The following ADCY10 variants were observed in gnomAD, a reference collection of about 807,000 sequenced individuals.
ADCY10 encodes adenylate cyclase type 10.
ADCY10 carries 156 observed loss-of-function variants against 183.3 expected under a neutral mutation model. The observed-to-expected ratio is 0.85, with a 90% CI of 0.75 to 0.97. The LOEUF (loss-of-function observed/expected upper bound fraction) is 0.97. Ranked by LOEUF, ADCY10 falls within the 50% of genes least tolerant of loss-of-function variation. The pLI, the probability that ADCY10 is intolerant of heterozygous loss-of-function variation, is 0.00. For missense variants in ADCY10, 1,745 were observed against 1,934.3 expected, an observed-to-expected ratio of 0.90 and a Z score of 1.84; for synonymous variants, 645 against 670.0, an observed-to-expected ratio of 0.96 and a Z score of 0.58.
At chr1:167,823,727 T>C (rs1036016206) in intron 28 of ADCY10, among the ~76,000 whole-genome samples, 1 of 152,196 alleles carries the variant, frequency 6.6e-6, no homozygotes, top group Admixed American at 6.5e-5. Flanking sequence ...CTTAAACAGA[T>C]TTCAAACACA....
At chr1:167,832,959 G>A (rs749190142) in intron 25 of ADCY10, 28 bp downstream of exon 25, 2 of 1,610,018 alleles carry the variant, frequency 1.2e-6, no homozygotes, top group Non-Finnish European at 8.5e-7. Context: ...AGACTAAACA[G>A]TCTGCTCTCC....
chr1:167,842,591 C>CA (rs11306764), intron 21 of ADCY10, among the ~76,000 whole-genome samples: 31,320 of 146,190 alleles, frequency 0.21, 3,822 homozygotes, highest in East Asian at 0.32. Context: ...GAAGACACTG[C>CA]AAAAAAAAAA....
chr1:167,834,368 G>A (rs945581253), intron 23 of ADCY10: 27 of 488,506 alleles, frequency 5.5e-5, no homozygotes, highest in Middle Eastern at 3.0e-4. Flanking sequence ...TGCCTTACCC[G>A]AAGTTTCCCT....
chr1:167,872,071 G>A (rs1351243604), intron 13 of ADCY10, among the ~76,000 whole-genome samples: 1 of 152,126 alleles, frequency 6.6e-6, no homozygotes, highest in African/African-American at 2.4e-5. Flanking sequence ...GCTGGGAGCG[G>A]TGGCTCACGC....
At chr1:167,821,913 A>G in intron 30 of ADCY10, 111 bp downstream of exon 30, 1 of 784,432 alleles carries the variant, frequency 1.3e-6, no homozygotes, top group Non-Finnish European at 2.3e-6. Context: ...GACACCCTTA[A>G]GCTGTCTCAG....
rs1413584619 is a variant in ADCY10, at chr1:167,834,047, A to G, written c.3340T>C (p.Leu1114=). 1.2e-6 allele frequency: 2 copies of G among 1,614,154 alleles called. No individual in the cohort carries two copies. Among genetic ancestry groups the G allele is most frequent in the South Asian group, 1.1e-5 (1 of 91,074 alleles). Reference sequence around the variant, plus strand: ...TTGTCCTTCTTGAGAGTTTTTAGCAACTTCTGTCCTTCATTCAAATACATG... The same window carrying G: ...TTGTCCTTCTTGAGAGTTTTTAGCAGCTTCTGTCCTTCATTCAAATACATG... ...AYMYLNEGQK[L]LKTLKKDKSW... Residue 1114 remains leucine (L), a synonymous_variant, in exon 24 of 33, where the codon TTG becomes CTG. Coordinates refer to ENST00000367851, the MANE Select transcript of ADCY10 (RefSeq NM_018417.6).
chr1:167,899,413 T>G lies in ADCY10; in HGVS notation c.642+10A>C. The G allele has an allele frequency of 6.2e-7, 1 of 1,614,036 alleles. No individual in the cohort carries two copies. The highest frequency in any genetic ancestry group is 8.5e-7 in the Non-Finnish European group (1 of 1,179,860). On this transcript the variant is annotated intron_variant, in intron 6 of 32. Transcript: ENST00000367851. ...GCAGAACTTTCTGTAAGTAGCAGCATCACACCCACCTTAACTGCTCTCTGA... is the reference window on the plus strand; with the variant it reads ...GCAGAACTTTCTGTAAGTAGCAGCAGCACACCCACCTTAACTGCTCTCTGA...
chr1:167,846,123 T>C lies in ADCY10; in HGVS notation c.2578A>G (p.Thr860Ala), dbSNP rs1445773910. ...PCWNMKMMIK[T>A]LATLVESNIF... is the part of the protein sequence containing the mutation. The stretch of plus-strand genomic sequence containing the variant: ...TTAGATTCCACTAGGGTTGCCAGGG[T>C]CTTGATCATCATCTTCATATTCCAA... The change falls in exon 20 of 33, where the codon ACC becomes GCC. Residue 860 changes from threonine (T) to alanine (A), a missense_variant. By Grantham distance (58) the Thr-to-Ala change is moderately conservative. Transcript: ENST00000367851. 1 of 1,613,988 alleles carries C rather than the reference T, an allele frequency of 6.2e-7. No individual in the cohort carries two copies. Among genetic ancestry groups the C allele is most frequent in the African/African-American group, 1.3e-5 (1 of 74,896 alleles).
intron 14 of ADCY10, among the ~76,000 whole-genome samples, chr1:167,868,279 G>A (rs899841258): frequency 4.6e-5 from 7 of 152,144 alleles, no homozygotes. Flanking sequence ...CCGAGAATTA[G>A]TGCCTACAGA....
intron 8 of ADCY10, among the ~76,000 whole-genome samples, chr1:167,885,451 G>A (rs548031444): frequency 1.3e-5 from 2 of 152,244 alleles, no homozygotes; most frequent in African/African-American, 2.4e-5. Context: ...TCCAGCGTTT[G>A]TTATTGCCTG....
chr1:167,870,497 T>C, intron 13 of ADCY10, 87 bp from the exon 14 acceptor site: 1 of 1,231,748 alleles, frequency 8.1e-7, no homozygotes. Context: ...ACCCTCCTTC[T>C]AAAAATATCC....
intron 21 of ADCY10, among the ~76,000 whole-genome samples, chr1:167,843,268 C>T (rs1664783334): frequency 6.6e-6 from 1 of 152,202 alleles, no homozygotes; most frequent in African/African-American, 2.4e-5. Flanking sequence ...TTCTAGCTGT[C>T]AGTGTATTTT....
Position 167,856,181 on chromosome 1 carries a change from A to G in ADCY10, c.2155T>C (p.Ser719Pro), listed in dbSNP as rs745480171. ...GTTACTTACGAGTCCAGTTCTTTGG[A>G]GATGCAGCTCACATTGAGGTCAAGA... ...ICLDLNVSCI[S>P]KELDSYLGEG... Residue 719 changes from serine (S) to proline (P), a missense_variant, in exon 17 of 33, where the codon TCC becomes CCC. Physicochemically the swap from Ser to Pro is moderately conservative, Grantham distance 74. Coordinates refer to ENST00000367851, the MANE Select transcript of ADCY10 (RefSeq NM_018417.6). 4.3e-6 allele frequency: 7 copies of G among 1,613,836 alleles called. No homozygotes were observed. Among genetic ancestry groups the G allele is most frequent in the Non-Finnish European group, 5.9e-6 (7 of 1,179,864 alleles).
chr1:167,837,950 C>G (rs759209390), intron 21 of ADCY10, among the ~76,000 whole-genome samples: 7 of 152,164 alleles, frequency 4.6e-5, no homozygotes, highest in Non-Finnish European at 8.8e-5. Context: ...GATCTTAAAA[C>G]AGAAAACAAA....
At chr1:167,811,166 T>A (rs543109478) in intron 31 of ADCY10, among the ~76,000 whole-genome samples, 18 of 152,338 alleles carry the variant, frequency 1.2e-4, no homozygotes, top group African/African-American at 2.4e-4. Context: ...TAACTTTTTT[T>A]AAAAAATTAT....
chr1:167,848,529 C>T, intron 18 of ADCY10, 40 bp from the exon 19 acceptor site: 3 of 1,611,242 alleles, frequency 1.9e-6, no homozygotes, highest in Non-Finnish European at 2.5e-6. Flanking sequence ...GAGTCATTAT[C>T]CTGTCTTATA....
chr1:167,871,860 G>T (rs12038967), intron 13 of ADCY10, among the ~76,000 whole-genome samples: 1 of 152,002 alleles, frequency 6.6e-6, no homozygotes, highest in Non-Finnish European at 1.5e-5. Flanking sequence ...CCTCAATTTC[G>T]TGAGATGTTT....
chr1:167,892,008 C>CT (rs1668631323), intron 8 of ADCY10, among the ~76,000 whole-genome samples: 1 of 147,642 alleles, frequency 6.8e-6, no homozygotes, highest in African/African-American at 2.5e-5. Flanking sequence ...GGGTCTTGCT[C>CT]TGTCCCCAAG....
chr1:167,869,090 G>T (rs576712047), intron 14 of ADCY10, among the ~76,000 whole-genome samples: 48 of 152,316 alleles, frequency 3.2e-4, no homozygotes, highest in Non-Finnish European at 2.9e-5. Flanking sequence ...TAAAGACATA[G>T]TTAAAAACAT....
Sources: gnomAD v4.1 joint callset for allele counts (sites outside exome capture counted in the v4.1 genomes callset) on GRCh38, gnomAD v4.1.1 for gene constraint, MANE v1.5 for transcripts, NCBI Gene and HGNC (gene_info 2026-07-23, HGNC 2026-07-21) for gene names.